Variants in UBAC2 observed in about 807,000 individuals in gnomAD.
UBAC2 encodes the protein UBA domain containing 2, also known as ubiquitin-associated domain-containing protein 2.
A neutral mutation model predicts 44.0 loss-of-function variants in UBAC2; 26 were observed. That is an observed-to-expected ratio of 0.59 (90% CI 0.43 to 0.82). The LOEUF is 0.82. Among genes scored for constraint, UBAC2 ranks in the 40% least tolerant of loss-of-function variants. The probability of loss-of-function intolerance (pLI) is 0.00; values close to 1 mark genes in which losing one functional copy is unlikely to be tolerated. For synonymous variants in UBAC2, 155 were observed against 154.3 expected, an observed-to-expected ratio of 1.00 and a Z score of -0.04; for missense variants, 329 against 419.4, an observed-to-expected ratio of 0.78 and a Z score of 1.88.
At chr13:99,293,122 G>A (rs545011156) in intron 4 of UBAC2, among the ~76,000 whole-genome samples, 112 of 152,274 alleles carry the variant, frequency 7.4e-4, no homozygotes, top group African/African-American at 2.6e-3. Context: ...ATTGGAGATA[G>A]GATTAGAGTT....
rs181532456 is a variant in UBAC2 at position 99,366,595 on chromosome 13, C to T, written c.808-1192C>T. On this transcript the variant is annotated intron_variant, in intron 7 of 8. Coordinates refer to ENST00000403766, the MANE Select transcript of UBAC2 (RefSeq NM_001144072.2). ...TTCTCAGGCAGGACCAAGATTCCTGCTGTCTCCGGGGGAAGACAGGCTTTT... is the reference window on the plus strand; with the variant it reads ...TTCTCAGGCAGGACCAAGATTCCTGTTGTCTCCGGGGGAAGACAGGCTTTT... Among the ~76,000 whole-genome samples the T allele has an allele frequency of 3.8e-3, 574 of 151,324 alleles. 18 individuals are homozygous for T. The highest frequency in any genetic ancestry group is 5.3e-4 in the Non-Finnish European group (36 of 67,748).
intron 7 of UBAC2, among the ~76,000 whole-genome samples, chr13:99,354,698 C>T (rs2045149857): frequency 6.6e-6 from 1 of 151,950 alleles, no homozygotes; most frequent in Admixed American, 6.5e-5. Context: ...TTTGGGCAGA[C>T]CTGCAAAACA....
intron 4 of UBAC2, among the ~76,000 whole-genome samples, chr13:99,262,391 T>A (rs1175822721): frequency 6.6e-6 from 1 of 152,018 alleles, no homozygotes; most frequent in Non-Finnish European, 1.5e-5. Context: ...CCTAGTAATA[T>A]GAGGAAGTGC....
chr13:99,263,468 G>A (rs571494165), intron 4 of UBAC2, among the ~76,000 whole-genome samples: 3 of 152,278 alleles, frequency 2.0e-5, no homozygotes, highest in South Asian at 4.1e-4. Flanking sequence ...TTATCCATTC[G>A]CCAGAATGCC....
chr13:99,329,450 G>A (rs569732767), intron 6 of UBAC2, among the ~76,000 whole-genome samples: 20 of 152,298 alleles, frequency 1.3e-4, no homozygotes, highest in African/African-American at 4.3e-4. Context: ...AAGAGGTGGA[G>A]CTTATTTTTC....
In UBAC2 at chr13:99,385,402, TCAGCCC is replaced by T; in HGVS notation, c.*68_*73del. The T allele has an allele frequency of 1.5e-6, 2 of 1,321,824 alleles. No homozygotes were observed. The highest frequency in any genetic ancestry group is 2.2e-6 in the Non-Finnish European group (2 of 921,676). 81.9% of individuals were successfully genotyped at this position (1,321,824 alleles called of 1,614,324 possible). A position where few individuals can be genotyped will look rare whatever the true frequency, so the allele number is the denominator to read the frequency against. On this transcript the variant is annotated 3_prime_UTR_variant, in exon 9 of 9. Transcript: ENST00000403766. ...ACAGTGCGTGGTCCCCACCATCAGA[TCAGCCC>T]GGGGACCGAGCATCTCTGGTGCTGA...
intron 4 of UBAC2, among the ~76,000 whole-genome samples, chr13:99,281,496 G>A (rs568730346): frequency 2.6e-5 from 4 of 152,078 alleles, no homozygotes; most frequent in South Asian, 2.1e-4. Flanking sequence ...GCAAGCACAC[G>A]CCAGGCTCAT....
intron 6 of UBAC2, among the ~76,000 whole-genome samples, chr13:99,325,065 A>G (rs1594128763): frequency 6.8e-6 from 1 of 147,734 alleles, no homozygotes; most frequent in East Asian, 2.0e-4. Context: ...GACAGGATTC[A>G]AATGTAGGTA....
chr13:99,205,200 T>C (rs4772180), intron 1 of UBAC2, among the ~76,000 whole-genome samples: 152,227 of 152,358 alleles, frequency 1, 76,048 homozygotes, highest in South Asian at 1. Flanking sequence ...CTGTGCCCGG[T>C]TGGGGGAGTT....
chr13:99,376,734 C>T (rs1475040633), intron 8 of UBAC2, among the ~76,000 whole-genome samples: 5 of 152,168 alleles, frequency 3.3e-5, no homozygotes, highest in Admixed American at 6.5e-5. Context: ...GGAATCATTT[C>T]GATTTGGGGG....
chr13:99,240,460 T>C (rs142152487), intron 2 of UBAC2, among the ~76,000 whole-genome samples: 174 of 152,340 alleles, frequency 1.1e-3, no homozygotes, highest in African/African-American at 3.8e-3. Flanking sequence ...CCTCAGATTT[T>C]CTTAGTGGCT....
chr13:99,347,127 A>G (rs1290023061), intron 7 of UBAC2, among the ~76,000 whole-genome samples: 1 of 152,056 alleles, frequency 6.6e-6, no homozygotes, highest in Non-Finnish European at 1.5e-5. Flanking sequence ...TAAAGAAAAA[A>G]AAAGATCTAC....
intron 4 of UBAC2, among the ~76,000 whole-genome samples, chr13:99,283,855 C>T (rs1594086058): frequency 1.3e-5 from 2 of 150,276 alleles, no homozygotes; most frequent in East Asian, 4.0e-4. Flanking sequence ...CTGCCTCAGC[C>T]TCCTGAGTAG....
chr13:99,255,516 TCTGTCAGCA>T, intron 4 of UBAC2: 1 of 1,614,196 alleles, frequency 6.2e-7, no homozygotes. Context: ...TGGCCATGTA[TCTGTCAGCA>T]CTAATAAAGG....
At chr13:99,215,480 C>T in intron 1 of UBAC2, 1 of 1,422,012 alleles carries the variant, frequency 7.0e-7, no homozygotes, top group South Asian at 1.1e-5. Flanking sequence ...TCTTCATCTG[C>T]ACGAATAGCA....
At chr13:99,313,540 TGAG>T (rs1304270248) in intron 4 of UBAC2, among the ~76,000 whole-genome samples, 1 of 151,244 alleles carries the variant, frequency 6.6e-6, no homozygotes, top group African/African-American at 2.4e-5. Flanking sequence ...TATGAGGAGA[TGAG>T]AGAGCAAGAA....
chr13:99,280,127 C>T (rs1406803843), intron 4 of UBAC2, among the ~76,000 whole-genome samples: 1 of 152,210 alleles, frequency 6.6e-6, no homozygotes, highest in Non-Finnish European at 1.5e-5. Flanking sequence ...CTGCCCCACT[C>T]CCCTAATTTT....
chr13:99,237,091 A>T (rs1460497598), intron 1 of UBAC2, among the ~76,000 whole-genome samples: 2 of 152,158 alleles, frequency 1.3e-5, no homozygotes, highest in Non-Finnish European at 2.9e-5. Context: ...CACTATTCAC[A>T]ATAGCCAAAA....
intron 7 of UBAC2, among the ~76,000 whole-genome samples, chr13:99,364,678 C>G (rs2045308225): frequency 1.3e-5 from 2 of 151,982 alleles, no homozygotes; most frequent in African/African-American, 4.8e-5. Flanking sequence ...TGATATATAT[C>G]CAGAAAAGTA....
Sources: gnomAD v4.1 joint callset for allele counts (sites outside exome capture counted in the v4.1 genomes callset) on GRCh38, gnomAD v4.1.1 for gene constraint, MANE v1.5 for transcripts, NCBI Gene and HGNC (gene_info 2026-07-23, HGNC 2026-07-21) for gene names.